NAALADL2: variants seen among roughly 807,000 people sequenced by gnomAD.
NAALADL2 encodes N-acetylated alpha-linked acidic dipeptidase like 2.
NAALADL2 carries 76 observed loss-of-function variants against 87.2 expected under a neutral mutation model. That is an observed-to-expected ratio of 0.87 (90% CI 0.72 to 1.05). The LOEUF (loss-of-function observed/expected upper bound fraction) is 1.05. Among genes scored for constraint, NAALADL2 ranks in the 50% least tolerant of loss-of-function variants. The pLI is 0.00. For synonymous variants in NAALADL2, 354 were observed against 331.0 expected (o/e 1.07, Z -0.75); for missense variants, 1,089 against 945.8 (o/e 1.15, Z -1.99).
At chr3:175,754,037 T>C (rs140394917) in intron 12 of NAALADL2, among the ~76,000 whole-genome samples, 2 of 152,294 alleles carry the variant, frequency 1.3e-5, no homozygotes, top group East Asian at 3.9e-4. Flanking sequence ...AGCCTGATTC[T>C]AATGGTGAGA....
intron 1 of NAALADL2, among the ~76,000 whole-genome samples, chr3:174,532,623 A>G (rs1473874225): frequency 6.6e-6 from 1 of 152,188 alleles, no homozygotes; most frequent in Non-Finnish European, 1.5e-5. Flanking sequence ...TTCCCAAGCT[A>G]CACTGAAGGA....
chr3:174,730,019 C>A lies in NAALADL2; in HGVS notation c.-114-7622C>A, dbSNP rs539172475. On this transcript the variant is annotated intron_variant, in intron 2 of 3. Coordinates refer to the NAALADL2 transcript ENST00000434257. ...CTGGAGGTTGATTCTAGAGGACTTT[C>A]TATGAAAGGTTTATAACATTTAGTC... Among the ~76,000 whole-genome samples, 22 of 152,130 alleles carry A rather than the reference C, an allele frequency of 1.4e-4. 1 individual carries two copies. In the South Asian group the frequency reaches 4.6e-3, roughly 31 times the overall value.
chr3:175,629,328 A>G (rs1727446980), intron 11 of NAALADL2, among the ~76,000 whole-genome samples: 1 of 148,434 alleles, frequency 6.7e-6, no homozygotes, highest in South Asian at 2.1e-4. Flanking sequence ...ACATTCATGA[A>G]TGGATATATA....
In NAALADL2 at chr3:174,895,300, C is replaced by T. The variant is rs184128294; in HGVS notation, c.43+35850C>T. Among the ~76,000 whole-genome samples, 423 of 151,206 alleles carry T rather than the reference C, an allele frequency of 2.8e-3. 1 individual carries two copies. Among genetic ancestry groups the T allele is most frequent in the African/African-American group, 9.9e-3 (407 of 41,250 alleles). On this transcript the variant is annotated intron_variant, in intron 1 of 13. Coordinates refer to ENST00000454872, the MANE Select transcript of NAALADL2 (RefSeq NM_207015.3). The stretch of plus-strand genomic sequence containing the variant: ...AAAATTTTAGCCAGATTAAGAAAAA[C>T]AGAGAGAAGATCTAAAAAAAGTAAA...
At chr3:174,928,140 C>T (rs967411839) in intron 1 of NAALADL2, among the ~76,000 whole-genome samples, 2 of 152,198 alleles carry the variant, frequency 1.3e-5, no homozygotes, top group African/African-American at 4.8e-5. Context: ...CTGATTGATG[C>T]TTGAATTCAT....
chr3:175,477,141 G>A (rs1457864508), intron 9 of NAALADL2, among the ~76,000 whole-genome samples: 1 of 152,040 alleles, frequency 6.6e-6, no homozygotes, highest in Admixed American at 6.6e-5. Flanking sequence ...CACTTGCTGA[G>A]AAACAAACAG....
chr3:174,847,867 A>G (rs1697543669), intron 3 of NAALADL2, among the ~76,000 whole-genome samples: 1 of 151,548 alleles, frequency 6.6e-6, no homozygotes, highest in African/African-American at 2.4e-5. Context: ...CCACCCAGGT[A>G]GCTGAACATA....
chr3:174,629,296 C>T (rs377053740), intron 2 of NAALADL2, among the ~76,000 whole-genome samples: 2 of 152,252 alleles, frequency 1.3e-5, no homozygotes, highest in South Asian at 2.1e-4. Flanking sequence ...CATTTAGTTA[C>T]CATGCCCTTA....
chr3:175,686,130 T>G (rs1255967891), intron 11 of NAALADL2, among the ~76,000 whole-genome samples: 1 of 152,218 alleles, frequency 6.6e-6, no homozygotes, highest in African/African-American at 2.4e-5. Flanking sequence ...TATTAAAAAC[T>G]GATTTAAAAA....
At chr3:174,680,118 TAAAA>T (rs1727399926) in intron 2 of NAALADL2, among the ~76,000 whole-genome samples, 1 of 150,884 alleles carries the variant, frequency 6.6e-6, no homozygotes, top group African/African-American at 2.4e-5. Context: ...AGTTCATAAT[TAAAA>T]AACACTTTTA....
intron 1 of NAALADL2, among the ~76,000 whole-genome samples, chr3:174,931,768 A>T (rs1736923335): frequency 6.6e-6 from 1 of 152,182 alleles, no homozygotes; most frequent in Non-Finnish European, 1.5e-5. Context: ...CGTTGCAAGC[A>T]TTTGGTGAAA....
chr3:174,984,851 T>C (rs1745628716), intron 1 of NAALADL2, among the ~76,000 whole-genome samples: 1 of 152,208 alleles, frequency 6.6e-6, no homozygotes, highest in Admixed American at 6.5e-5. Context: ...TATTCCTCTG[T>C]AGAGTTACAA....
intron 1 of NAALADL2, among the ~76,000 whole-genome samples, chr3:174,962,433 G>GTAATAGTGACTATAACATATATA (rs1742249448): frequency 1.9e-5 from 1 of 52,242 alleles, no homozygotes; most frequent in Non-Finnish European, 5.0e-5. Context: ...ATATATATAT[G>GTAATAGTGACTATAACATATATA]TATATTTTTA....
chr3:174,596,512 C>G (rs1717923638), intron 2 of NAALADL2, among the ~76,000 whole-genome samples: 1 of 151,988 alleles, frequency 6.6e-6, no homozygotes, highest in Admixed American at 6.6e-5. Flanking sequence ...GATTACTGAG[C>G]CCAGATTTTC....
chr3:175,157,673 T>C (rs927203669), intron 2 of NAALADL2, among the ~76,000 whole-genome samples: 1 of 152,044 alleles, frequency 6.6e-6, no homozygotes, highest in Non-Finnish European at 1.5e-5. Context: ...AAAACCTAGC[T>C]GAAAATGAAG....
chr3:175,033,580 A>AGTCTTCATG (rs1453399551), intron 1 of NAALADL2, among the ~76,000 whole-genome samples: 3 of 152,064 alleles, frequency 2.0e-5, no homozygotes, highest in African/African-American at 7.2e-5. Flanking sequence ...GTTGTATCTC[A>AGTCTTCATG]GTCTTCATGT....
At chr3:174,509,025 C>T (rs1719405797) in intron 1 of NAALADL2, among the ~76,000 whole-genome samples, 2 of 151,854 alleles carry the variant, frequency 1.3e-5, no homozygotes, top group African/African-American at 4.8e-5. Flanking sequence ...GATTCCTCAG[C>T]GTTTTCTGCA....
At chr3:174,771,810 G>A (rs376407471) in intron 3 of NAALADL2, among the ~76,000 whole-genome samples, 7 of 152,120 alleles carry the variant, frequency 4.6e-5, no homozygotes, top group African/African-American at 1.7e-4. Flanking sequence ...ATTTTGTGGG[G>A]AGACTTAAGT....
At chr3:174,452,903 C>T (rs895663676) in intron 1 of NAALADL2, among the ~76,000 whole-genome samples, 3 of 152,160 alleles carry the variant, frequency 2.0e-5, no homozygotes, top group African/African-American at 7.2e-5. Flanking sequence ...ATCACACTAG[C>T]TCTCCAGCAA....
Sources: allele counts gnomAD v4.1 joint callset (sites outside exome capture counted in the v4.1 genomes callset), GRCh38; gene constraint gnomAD v4.1.1; transcripts MANE v1.5; gene names NCBI Gene and HGNC (gene_info 2026-07-23, HGNC 2026-07-21).